Variants in IFT74 observed in about 807,000 individuals in gnomAD.
IFT74 encodes intraflagellar transport 74.
IFT74 carries 92 observed loss-of-function variants against 96.7 expected under a neutral mutation model. That is an observed-to-expected ratio of 0.95 (90% confidence interval 0.80 to 1.13). The LOEUF (loss-of-function observed/expected upper bound fraction) is 1.13. Ranked by LOEUF, IFT74 falls within the 50% of genes most tolerant of loss-of-function variation. The pLI, the probability that IFT74 is intolerant of heterozygous loss-of-function variation, is 0.00. For missense variants in IFT74, 811 were observed against 698.2 expected (o/e 1.16, Z -1.82); for synonymous variants, 223 against 213.2 (o/e 1.05, Z -0.40).
chr9:27,035,558 A>C (rs1819131532), intron 13 of IFT74, among the ~76,000 whole-genome samples: 1 of 152,202 alleles, frequency 6.6e-6, no homozygotes, highest in East Asian at 1.9e-4. Context: ...AGGGCTCAGC[A>C]ATTTGTGTTT....
chr9:27,044,448 G>A (rs1428319421), intron 13 of IFT74, among the ~76,000 whole-genome samples: 1 of 152,100 alleles, frequency 6.6e-6, no homozygotes, highest in Admixed American at 6.6e-5. Context: ...GGACTTTCTT[G>A]GGAACTTATG....
chr9:27,011,580 C>G (rs1222501661), intron 9 of IFT74, among the ~76,000 whole-genome samples: 3 of 149,802 alleles, frequency 2.0e-5, no homozygotes, highest in African/African-American at 7.3e-5. Flanking sequence ...TTTGATGTCT[C>G]AGAACATAGT....
chr9:27,054,115 G>A (rs1447438870), intron 16 of IFT74, among the ~76,000 whole-genome samples: 1 of 152,154 alleles, frequency 6.6e-6, no homozygotes, highest in Non-Finnish European at 1.5e-5. Context: ...TAAAAATTTT[G>A]GTTGGATAAC....
chr9:26,964,330 T>C (rs1826508776), intron 2 of IFT74, among the ~76,000 whole-genome samples: 1 of 149,716 alleles, frequency 6.7e-6, no homozygotes, highest in Non-Finnish European at 1.5e-5. Context: ...TATATCTCTG[T>C]TTTGGTACCA....
intron 6 of IFT74, among the ~76,000 whole-genome samples, chr9:26,987,916 A>G (rs906141028): frequency 3.3e-5 from 5 of 151,890 alleles, no homozygotes; most frequent in African/African-American, 1.2e-4. Flanking sequence ...ATATCTTTTT[A>G]TGTTTTTACT....
intron 2 of IFT74, among the ~76,000 whole-genome samples, chr9:26,971,829 C>A (rs570927944): frequency 2.0e-4 from 30 of 152,020 alleles, no homozygotes; most frequent in Non-Finnish European, 4.4e-4. Flanking sequence ...ATGAGCCACT[C>A]CAAAGGTGTA....
In IFT74 at chr9:27,028,936, AC is replaced by A. The variant is rs1284740953; in HGVS notation, c.975-88del. On this transcript the variant is annotated intron_variant, in intron 12 of 19. Coordinates refer to ENST00000380062, the MANE Select transcript of IFT74 (RefSeq NM_025103.4). ...ATTATTTTTAGATATTGTTTATGCA[AC>A]TTGGAAAAGATATCTAACCTCCCCA... The A allele has an allele frequency of 5.9e-6, 7 of 1,180,326 alleles. No homozygotes were observed. In the African/African-American group the frequency reaches 1.1e-4, roughly 18 times the overall value. 73.1% of individuals were successfully genotyped at this position (1,180,326 alleles called of 1,614,324 possible).
intron 1 of IFT74, 146 bp downstream of exon 1, chr9:26,956,662 G>A (rs1826115503): frequency 2.0e-5 from 3 of 152,508 alleles, no homozygotes; most frequent in South Asian, 4.1e-4. Flanking sequence ...GGCCAGGCAT[G>A]TACCAATTCT....
At chr9:26,983,665 A>G (rs1466247626) in intron 4 of IFT74, among the ~76,000 whole-genome samples, 28 of 151,612 alleles carry the variant, frequency 1.8e-4, no homozygotes. Context: ...GGCTTGTACT[A>G]GTTTGACCAG....
chr9:27,055,409 T>A (rs1044159315), intron 16 of IFT74, among the ~76,000 whole-genome samples, 200 bp from the exon 17 acceptor site: 1 of 152,138 alleles, frequency 6.6e-6, no homozygotes, highest in Non-Finnish European at 1.5e-5. Context: ...GATTCCCTAA[T>A]ATATTGGTTA....
At chr9:27,029,128 T>A in intron 13 of IFT74, 24 bp downstream of exon 13, 5 of 1,554,210 alleles carry the variant, frequency 3.2e-6, no homozygotes, top group Non-Finnish European at 4.4e-6. Context: ...ATTTTTATAA[T>A]GTAGATTAAC....
intron 2 of IFT74, among the ~76,000 whole-genome samples, chr9:26,975,523 A>G (rs560884686): frequency 3.3e-5 from 5 of 152,252 alleles, no homozygotes; most frequent in Middle Eastern, 3.4e-3. Context: ...TATCTTTCCA[A>G]TATTTTAACA....
At chr9:27,043,320 G>C (rs1819554203) in intron 13 of IFT74, among the ~76,000 whole-genome samples, 1 of 152,198 alleles carries the variant, frequency 6.6e-6, no homozygotes, top group South Asian at 2.1e-4. Context: ...CTTCAGACCA[G>C]AAGGCAGAAA....
intron 1 of IFT74, among the ~76,000 whole-genome samples, chr9:26,947,715 A>G (rs1299814921): frequency 6.6e-6 from 1 of 152,216 alleles, no homozygotes; most frequent in Admixed American, 6.5e-5. Flanking sequence ...ATTGGGAACT[A>G]TTAATCATTG....
chr9:27,017,384 T>TTTTTTA (rs1023233686), intron 11 of IFT74, among the ~76,000 whole-genome samples: 1 of 152,028 alleles, frequency 6.6e-6, no homozygotes, highest in Non-Finnish European at 1.5e-5. Context: ...AACACACCAA[T>TTTTTTA]TTTTTATTTT....
At chr9:27,035,958 A>G (rs934452752) in intron 13 of IFT74, among the ~76,000 whole-genome samples, 1 of 152,210 alleles carries the variant, frequency 6.6e-6, no homozygotes, top group Non-Finnish European at 1.5e-5. Flanking sequence ...TTGACTCCAT[A>G]AAAACTTAAT....
chr9:26,961,890 CATT>C (rs1826378696), intron 1 of IFT74, 56 bp from the exon 2 acceptor site: 1 of 1,560,674 alleles, frequency 6.4e-7, no homozygotes, highest in Admixed American at 1.7e-5. Flanking sequence ...TATGATGGGT[CATT>C]ATTGTCTTGC....
chr9:27,003,280 T>G (rs912076206), intron 8 of IFT74, among the ~76,000 whole-genome samples: 1 of 152,144 alleles, frequency 6.6e-6, no homozygotes, highest in African/African-American at 2.4e-5. Flanking sequence ...CCCAGCACTT[T>G]GGGAGGCCGA....
intron 13 of IFT74, among the ~76,000 whole-genome samples, chr9:27,031,597 A>ATT (rs74178370): frequency 2.4e-4 from 31 of 129,834 alleles, no homozygotes; most frequent in Non-Finnish European, 3.8e-4. Context: ...AACTTTACTC[A>ATT]TTTTTTTTTT....
Sources: allele counts gnomAD v4.1 joint callset (sites outside exome capture counted in the v4.1 genomes callset), GRCh38; gene constraint gnomAD v4.1.1; transcripts MANE v1.5; gene names NCBI Gene and HGNC (gene_info 2026-07-23, HGNC 2026-07-21).